The following TRDN variants were observed in gnomAD, a reference collection of about 807,000 sequenced individuals.
The protein encoded by TRDN is triadin.
Under a neutral mutation model 149.7 loss-of-function variants are expected in TRDN, and 161 were observed. The observed-to-expected ratio is 1.08, with a 90% CI of 0.95 to 1.23. The LOEUF (loss-of-function observed/expected upper bound fraction) is 1.23. TRDN is among the 50% of genes most tolerant of loss of function. The probability of loss-of-function intolerance (pLI) is 0.00; values close to 1 mark genes in which losing one functional copy is unlikely to be tolerated. For missense variants in TRDN, 896 were observed against 823.5 expected, an observed-to-expected ratio of 1.09 and a Z score of -1.08; for synonymous variants, 294 against 250.5, an observed-to-expected ratio of 1.17 and a Z score of -1.64.
At chr6:123,313,225 A>C (rs1778899046) in intron 24 of TRDN, among the ~76,000 whole-genome samples, 1 of 151,908 alleles carries the variant, frequency 6.6e-6, no homozygotes, top group African/African-American at 2.4e-5. Flanking sequence ...ATTGCATTAG[A>C]ATGTGCTCCT....
intron 9 of TRDN, among the ~76,000 whole-genome samples, chr6:123,477,915 CG>C (rs1227936520): frequency 1.9e-5 from 1 of 52,154 alleles, no homozygotes; most frequent in African/African-American, 1.1e-4. Context: ...GTTGTGGGGT[CG>C]GGGGAGGGGG....
chr6:123,375,193 G>T (rs533160051), intron 19 of TRDN, among the ~76,000 whole-genome samples: 6 of 152,188 alleles, frequency 3.9e-5, no homozygotes, highest in African/African-American at 1.2e-4. Context: ...CAAGAGCAAT[G>T]GTTAAGAAAA....
At chr6:123,366,821 G>A (rs1781121186) in intron 19 of TRDN, among the ~76,000 whole-genome samples, 1 of 152,030 alleles carries the variant, frequency 6.6e-6, no homozygotes, top group African/African-American at 2.4e-5. Flanking sequence ...CCCGGCCATA[G>A]TCTACAAATT....
At chr6:123,516,337 T>G in intron 5 of TRDN, 131 bp from the exon 6 acceptor site, 1 of 1,134,072 alleles carries the variant, frequency 8.8e-7, no homozygotes, top group Non-Finnish European at 1.1e-6. Context: ...ATTCAGATTT[T>G]ATGTAGTTAG....
chr6:123,425,235 GTGTGTGTGT>G (rs1774069218), intron 12 of TRDN, among the ~76,000 whole-genome samples: 302 of 3,312 alleles, frequency 0.091, 2 homozygotes, highest in African/African-American at 0.15. Context: ...AGGTAGAGGT[GTGTGTGTGT>G]GTGTGTGTGT....
chr6:123,610,270 G>GT, intron 1 of TRDN, among the ~76,000 whole-genome samples: 2 of 152,326 alleles, frequency 1.3e-5, no homozygotes, highest in Middle Eastern at 6.8e-3. Context: ...CTCAGCCATA[G>GT]TAATGCACCA....
At chr6:123,602,651 C>A (rs1482210895) in intron 1 of TRDN, among the ~76,000 whole-genome samples, 1 of 152,074 alleles carries the variant, frequency 6.6e-6, no homozygotes, top group Admixed American at 6.6e-5. Flanking sequence ...GTTACCCTAT[C>A]TCAATGTATT....
At chr6:123,330,835 C>A (rs1337503506) in intron 23 of TRDN, among the ~76,000 whole-genome samples, 1 of 152,048 alleles carries the variant, frequency 6.6e-6, no homozygotes, top group Admixed American at 6.6e-5. Flanking sequence ...ACTCATCTTT[C>A]TGTCAGCTTT....
At chr6:123,298,301 G>A (rs1210261388) in intron 24 of TRDN, among the ~76,000 whole-genome samples, 1 of 151,656 alleles carries the variant, frequency 6.6e-6, no homozygotes, top group Admixed American at 6.6e-5. Context: ...CTCCATTTCT[G>A]CCTTCATTGT....
chr6:123,576,095 C>T (rs932101795), intron 1 of TRDN, among the ~76,000 whole-genome samples: 6 of 152,104 alleles, frequency 3.9e-5, no homozygotes, highest in African/African-American at 1.4e-4. Flanking sequence ...CTACTGATGG[C>T]ATTATATGTG....
In TRDN at chr6:123,337,613, T is replaced by C. The variant is rs1779921570; in HGVS notation, c.1420+6A>G. ...TTGTAATATTATATTAAATTAACTC[T>C]GTTACCTTTATCTTTCAGAATTGAA... On this transcript the variant is annotated splice_donor_region_variant and intron_variant, in intron 22 of 40. Transcript: ENST00000334268. The C allele has an allele frequency of 1.5e-6, 2 of 1,336,804 alleles. No homozygotes were observed. Among genetic ancestry groups the C allele is most frequent in the East Asian group, 5.4e-5 (2 of 36,796 alleles). 82.8% of individuals were successfully genotyped at this position (1,336,804 alleles called of 1,614,324 possible).
intron 24 of TRDN, among the ~76,000 whole-genome samples, chr6:123,292,913 T>C (rs1778062069): frequency 6.6e-6 from 1 of 152,224 alleles, no homozygotes; most frequent in South Asian, 2.1e-4. Flanking sequence ...TGTATCACTT[T>C]AGCCAATCCC....
chr6:123,337,794 ACAAATGTC>A (rs1779928488), intron 21 of TRDN, 125 bp from the exon 22 acceptor site: 9 of 527,320 alleles, frequency 1.7e-5, no homozygotes, highest in Non-Finnish European at 2.7e-5. Context: ...TATTCACAAT[ACAAATGTC>A]TCCAGGCATA....
chr6:123,477,555 A>C (rs1265950053), intron 9 of TRDN, among the ~76,000 whole-genome samples: 3 of 149,192 alleles, frequency 2.0e-5, no homozygotes, highest in Admixed American at 6.6e-5. Flanking sequence ...CCATCCCATT[A>C]CTGGGTATAT....
intron 1 of TRDN, among the ~76,000 whole-genome samples, chr6:123,630,102 A>G (rs1187207175): frequency 6.6e-6 from 1 of 152,034 alleles, no homozygotes; most frequent in Non-Finnish European, 1.5e-5. Flanking sequence ...TGAACTCCGT[A>G]AAGTCGACAT....
chr6:123,327,462 A>G (rs758204154), intron 23 of TRDN, among the ~76,000 whole-genome samples: 18 of 152,110 alleles, frequency 1.2e-4, no homozygotes, highest in Non-Finnish European at 2.2e-4. Context: ...ACTTCCAGAT[A>G]GGAAAAGGAA....
chr6:123,452,808 A>G (rs988873314), intron 10 of TRDN, among the ~76,000 whole-genome samples: 1 of 152,192 alleles, frequency 6.6e-6, no homozygotes, highest in East Asian at 1.9e-4. Flanking sequence ...AGACTAAGCA[A>G]AAAGTACAAA....
intron 38 of TRDN, among the ~76,000 whole-genome samples, chr6:123,227,906 T>C (rs1775447082): frequency 6.6e-6 from 1 of 151,920 alleles, no homozygotes; most frequent in Non-Finnish European, 1.5e-5. Context: ...GTCACAAAAC[T>C]CATGAGTGGC....
chr6:123,630,199 A>G (rs1287021337), intron 1 of TRDN, among the ~76,000 whole-genome samples: 1 of 152,004 alleles, frequency 6.6e-6, no homozygotes, highest in Non-Finnish European at 1.5e-5. Context: ...GATAATATGT[A>G]TTTTTTAAAA....
Sources: allele counts gnomAD v4.1 joint callset (sites outside exome capture counted in the v4.1 genomes callset), GRCh38; gene constraint gnomAD v4.1.1; transcripts MANE v1.5; gene names NCBI Gene and HGNC (gene_info 2026-07-23, HGNC 2026-07-21).